The following CNTLN variants were observed in gnomAD, a reference collection of about 807,000 sequenced individuals.
CNTLN encodes the protein centlein, centrosomal protein.
CNTLN carries 212 observed loss-of-function variants against 180.0 expected under a neutral mutation model. The observed-to-expected ratio is 1.18, with a 90% CI of 1.05 to 1.32. The LOEUF is 1.32. CNTLN is among the 40% of genes most tolerant of loss of function. The probability of loss-of-function intolerance (pLI) is 0.00; values close to 1 mark genes in which losing one functional copy is unlikely to be tolerated. For synonymous variants in CNTLN, 722 were observed against 563.1 expected, an observed-to-expected ratio of 1.28 and a Z score of -3.99; for missense variants, 2,095 against 1,610.9, an observed-to-expected ratio of 1.30 and a Z score of -5.14.
intron 2 of CNTLN, among the ~76,000 whole-genome samples, chr9:17,179,769 T>C (rs1227250115): frequency 6.6e-6 from 1 of 152,232 alleles, no homozygotes; most frequent in Non-Finnish European, 1.5e-5. Flanking sequence ...ATTTTGAAGT[T>C]GCCAAACATA....
chr9:17,304,890 G>A (rs1587592170), intron 7 of CNTLN, among the ~76,000 whole-genome samples: 1 of 152,118 alleles, frequency 6.6e-6, no homozygotes, highest in Non-Finnish European at 1.5e-5. Context: ...TTTTATACAA[G>A]GGACTTGTGC....
intron 25 of CNTLN, among the ~76,000 whole-genome samples, chr9:17,498,873 A>G (rs1047658327): frequency 3.3e-5 from 5 of 152,160 alleles, no homozygotes; most frequent in African/African-American, 1.2e-4. Context: ...TGCCACTTCT[A>G]TCCAACTCTA....
At chr9:17,260,576 C>A (rs1471834005) in intron 5 of CNTLN, among the ~76,000 whole-genome samples, 1 of 151,188 alleles carries the variant, frequency 6.6e-6, no homozygotes, top group Non-Finnish European at 1.5e-5. Flanking sequence ...GATGTTAGAA[C>A]CCTGTTAGAT....
intron 8 of CNTLN, among the ~76,000 whole-genome samples, chr9:17,317,848 A>G (rs1175460022): frequency 6.6e-6 from 1 of 152,128 alleles, no homozygotes; most frequent in African/African-American, 2.4e-5. Context: ...ACATGATCTC[A>G]GAGAGGTAAA....
intron 18 of CNTLN, among the ~76,000 whole-genome samples, chr9:17,444,671 A>T (rs1442529): frequency 6.6e-6 from 1 of 152,208 alleles, no homozygotes; most frequent in African/African-American, 2.4e-5. Flanking sequence ...CTTACTAAAG[A>T]TCTACATGAA....
intron 6 of CNTLN, among the ~76,000 whole-genome samples, chr9:17,292,318 C>G (rs1829470234): frequency 6.6e-6 from 1 of 151,884 alleles, no homozygotes; most frequent in Non-Finnish European, 1.5e-5. Flanking sequence ...TACGAGGGTT[C>G]TTTGGATTTC....
At chr9:17,290,977 C>T (rs1243431207) in intron 6 of CNTLN, among the ~76,000 whole-genome samples, 5 of 152,238 alleles carry the variant, frequency 3.3e-5, no homozygotes, top group Admixed American at 3.3e-4. Flanking sequence ...TTCTGTGTCG[C>T]TCATGCTGGG....
chr9:17,189,235 A>G (rs1821639937), intron 2 of CNTLN, among the ~76,000 whole-genome samples: 1 of 150,458 alleles, frequency 6.6e-6, no homozygotes, highest in African/African-American at 2.4e-5. Context: ...GCTGCCCGCC[A>G]CTACGCCCGG....
At chr9:17,327,687 C>T (rs972062986) in intron 8 of CNTLN, among the ~76,000 whole-genome samples, 1 of 151,838 alleles carries the variant, frequency 6.6e-6, no homozygotes, top group Non-Finnish European at 1.5e-5. Flanking sequence ...GGTGCAGTGG[C>T]TTATGCCTGT....
chr9:17,382,032 T>C (rs1460063135), intron 13 of CNTLN, among the ~76,000 whole-genome samples: 1 of 152,184 alleles, frequency 6.6e-6, no homozygotes, highest in Non-Finnish European at 1.5e-5. Flanking sequence ...CATGAAGGTA[T>C]CCATGAAAGG....
intron 13 of CNTLN, among the ~76,000 whole-genome samples, chr9:17,369,528 G>C (rs936522323): frequency 6.6e-6 from 1 of 151,636 alleles, no homozygotes; most frequent in Non-Finnish European, 1.5e-5. Context: ...AAGATAACAT[G>C]GAGAAGGATT....
chr9:17,406,681 G>A (rs143568786), intron 15 of CNTLN, among the ~76,000 whole-genome samples: 6 of 151,348 alleles, frequency 4.0e-5, no homozygotes, highest in East Asian at 1.9e-4. Flanking sequence ...TGTTTTCTTC[G>A]TGGATAGACT....
At chr9:17,521,253 GAA>G in the CNTLN span, among the ~76,000 whole-genome samples, 8 of 112,874 alleles carry the variant, frequency 7.1e-5, no homozygotes, top group Admixed American at 1.8e-4. Context: ...TAGAGAGAGA[GAA>G]AGGGAGAAAA....
chr9:17,273,219 C>G (rs1020171738), intron 5 of CNTLN, among the ~76,000 whole-genome samples: 2 of 152,052 alleles, frequency 1.3e-5, no homozygotes, highest in Non-Finnish European at 2.9e-5. Flanking sequence ...GATCAGCTTT[C>G]AAGAACTTTA....
In CNTLN at chr9:17,465,974, A is replaced by C; in HGVS notation, c.3532-7A>C. ...CAATAATAATTACCTTTATGCTTTTAATGTAGGTAAAGACATTAACTGAAG... is the reference window on the plus strand; with the variant it reads ...CAATAATAATTACCTTTATGCTTTTCATGTAGGTAAAGACATTAACTGAAG... On this transcript the variant is annotated splice_region_variant and splice_polypyrimidine_tract_variant and intron_variant, in intron 21 of 25. Transcript: ENST00000380647. 1.3e-6 allele frequency: 2 copies of C among 1,593,576 alleles called. No homozygotes were observed.
At chr9:17,314,029 C>T (rs919600304) in intron 8 of CNTLN, among the ~76,000 whole-genome samples, 13 of 152,062 alleles carry the variant, frequency 8.5e-5, no homozygotes, top group Non-Finnish European at 1.5e-4. Context: ...CCACTGTGCC[C>T]GGCCAGCTCT....
the CNTLN span, among the ~76,000 whole-genome samples, chr9:17,514,968 TG>T: frequency 6.6e-6 from 1 of 152,230 alleles, no homozygotes; most frequent in African/African-American, 2.4e-5. Flanking sequence ...AGAAGGAACC[TG>T]GGTCCTAAAT....
At chr9:17,352,416 A>ATATATTT (rs1469636947) in intron 12 of CNTLN, among the ~76,000 whole-genome samples, 2 of 31,302 alleles carry the variant, frequency 6.4e-5, no homozygotes, top group African/African-American at 2.4e-4. Flanking sequence ...ATATATATAT[A>ATATATTT]TTTTTTTTTT....
At chr9:17,216,695 A>G (rs1032720166) in intron 2 of CNTLN, among the ~76,000 whole-genome samples, 2 of 152,128 alleles carry the variant, frequency 1.3e-5, no homozygotes, top group Admixed American at 6.5e-5. Context: ...AGTTTATGTT[A>G]TATTCTCTCA....
Sources: gnomAD v4.1 joint callset for allele counts (sites outside exome capture counted in the v4.1 genomes callset) on GRCh38, gnomAD v4.1.1 for gene constraint, MANE v1.5 for transcripts, NCBI Gene and HGNC (gene_info 2026-07-23, HGNC 2026-07-21) for gene names.